The following CCDC60 variants were observed in gnomAD, a reference collection of about 807,000 sequenced individuals.
The protein encoded by CCDC60 is coiled-coil domain-containing protein 60.
A neutral mutation model predicts 63.5 loss-of-function variants in CCDC60; 54 were observed. The ratio of observed to expected loss-of-function variants is 0.85; its 90% confidence interval spans 0.68 to 1.07. The LOEUF is 1.07. CCDC60 is among the 50% of genes least tolerant of loss of function. The pLI is 0.00. For missense variants in CCDC60, 651 were observed against 684.3 expected, an observed-to-expected ratio of 0.95 and a Z score of 0.54; for synonymous variants, 206 against 238.8, an observed-to-expected ratio of 0.86 and a Z score of 1.27.
intron 1 of CCDC60, among the ~76,000 whole-genome samples, chr12:119,339,241 A>C (rs754986401): frequency 2.2e-4 from 33 of 152,134 alleles, no homozygotes; most frequent in Non-Finnish European, 3.5e-4. Context: ...GCCTTGGAAA[A>C]GGCTGAAAAA....
At chr12:119,464,630 C>T (rs138968880) in intron 2 of CCDC60, among the ~76,000 whole-genome samples, 7 of 152,192 alleles carry the variant, frequency 4.6e-5, no homozygotes, top group Non-Finnish European at 7.4e-5. Flanking sequence ...CATTGTACTC[C>T]GTCCCTTTTG....
chr12:119,519,449 G>GTA (rs1224064576), intron 8 of CCDC60, among the ~76,000 whole-genome samples: 1 of 132,644 alleles, frequency 7.5e-6, no homozygotes, highest in Non-Finnish European at 1.6e-5. Context: ...GTGTGTGTGT[G>GTA]TGTATATATA....
intron 13 of CCDC60, among the ~76,000 whole-genome samples, chr12:119,539,841 C>G (rs1056191888): frequency 6.6e-6 from 1 of 152,202 alleles, no homozygotes. Flanking sequence ...TCCTGGTCTG[C>G]GGGTTGTGGA....
chr12:119,522,853 G>T, intron 9 of CCDC60, 86 bp from the exon 10 acceptor site: 3 of 1,142,412 alleles, frequency 2.6e-6, no homozygotes, highest in Non-Finnish European at 2.7e-6. Flanking sequence ...AATCCTGGAA[G>T]CTAGCAGGTG....
rs1326389654 is a variant in CCDC60 at position 119,456,029 on chromosome 12, A to AAGAG, written c.171-15962_171-15961insGAGA. Among the ~76,000 whole-genome samples, 3 of 138,626 alleles carry AAGAG rather than the reference A, an allele frequency of 2.2e-5. No homozygotes were observed. In the East Asian group the frequency reaches 6.8e-4, roughly 31 times the overall value. 90.9% of individuals were successfully genotyped at this position (138,626 alleles called of 152,430 possible). On this transcript the variant is annotated intron_variant, in intron 2 of 13. Transcript: ENST00000327554. This position sits in a 1 kb window ranked among gnomAD's most constrained non-coding sequence, Gnocchi z 4.6. ...AAAGAAAGAAAGAAAGAAAGAAAGA[A>AAGAG]AGAAAGAAAGAAAGAAAGAAAGAAA...
intron 2 of CCDC60, among the ~76,000 whole-genome samples, chr12:119,449,409 A>G (rs1950592766): frequency 6.6e-6 from 1 of 152,140 alleles, no homozygotes; most frequent in Admixed American, 6.5e-5. Flanking sequence ...AAAAATATAT[A>G]TATTTCAAAG....
chr12:119,443,256 C>T (rs1462360936), intron 2 of CCDC60, among the ~76,000 whole-genome samples: 4 of 152,136 alleles, frequency 2.6e-5, no homozygotes, highest in African/African-American at 9.7e-5. Context: ...ATCTATTTGC[C>T]TTTTTCAATA....
chr12:119,468,374 C>T (rs1157227100), intron 2 of CCDC60, among the ~76,000 whole-genome samples: 1 of 152,140 alleles, frequency 6.6e-6, no homozygotes, highest in Admixed American at 6.5e-5. Context: ...TAACAGGTTA[C>T]CCACTCATTT....
rs200737039 is a variant in CCDC60 at position 119,523,773 on chromosome 12, A to G, written c.1184A>G (p.Gln395Arg). ...AGGGCCAAGTTTTACAGCGTAGCCC[A>G]GGAGGCTGGCTTCTGCCTGCAGGAC... The part of the protein sequence containing the change: ...TMRAKFYSVA[Q>R]EAGFCLQDKM... Residue 395 changes from glutamine to arginine, a missense_variant, in exon 11 of 14, where the codon CAG (glutamine) becomes CGG (arginine). Physicochemically the swap from Gln to Arg is conservative, Grantham distance 43. Coordinates refer to ENST00000327554, the MANE Select transcript of CCDC60 (RefSeq NM_178499.5). 1.2e-6 allele frequency: 2 copies of G among 1,614,228 alleles called. No homozygotes were observed. Among genetic ancestry groups the G allele is most frequent in the Non-Finnish European group, 1.7e-6 (2 of 1,180,016 alleles).
chr12:119,477,174 T>C (rs990568349), intron 3 of CCDC60, among the ~76,000 whole-genome samples: 2 of 152,198 alleles, frequency 1.3e-5, no homozygotes, highest in African/African-American at 4.8e-5. Flanking sequence ...GCATGGCAGC[T>C]GAATGCTGAG....
intron 1 of CCDC60, among the ~76,000 whole-genome samples, chr12:119,426,846 C>T (rs1241806171): frequency 1.3e-5 from 2 of 152,202 alleles, no homozygotes; most frequent in African/African-American, 4.8e-5. Flanking sequence ...GCCTCCCACC[C>T]AACTCTTCCA....
At chr12:119,519,734 A>G (rs1384805984) in intron 8 of CCDC60, among the ~76,000 whole-genome samples, 1 of 152,044 alleles carries the variant, frequency 6.6e-6, no homozygotes, top group Non-Finnish European at 1.5e-5. Flanking sequence ...AAGTGCTGGG[A>G]TCACAGGTGT....
chr12:119,504,394 G>A (rs781372744), intron 6 of CCDC60, among the ~76,000 whole-genome samples: 3 of 151,756 alleles, frequency 2.0e-5, no homozygotes, highest in Non-Finnish European at 4.4e-5. Context: ...AAATCCACAG[G>A]ACTTTCCCTA....
intron 5 of CCDC60, among the ~76,000 whole-genome samples, chr12:119,489,490 G>A (rs1340490538): frequency 3.3e-5 from 5 of 152,170 alleles, no homozygotes; most frequent in African/African-American, 9.7e-5. Context: ...CAAGAGAAGC[G>A]TTAGGTGTCC....
In CCDC60 at chr12:119,519,855, A is replaced by AGT. The variant is rs903078634; in HGVS notation, c.969-245_969-244dup. On this transcript the variant is annotated intron_variant, in intron 8 of 13. Transcript: ENST00000327554. ...GGAATTTTAGGAGAGAGAGAGAGAGAGTGTGTGTGTGTGTGTGTGTGTATA... is the reference window on the plus strand; with the variant it reads ...GGAATTTTAGGAGAGAGAGAGAGAGAGTGTGTGTGTGTGTGTGTGTGTGTATA... Among the ~76,000 whole-genome samples the AGT allele has an allele frequency of 4.7e-3, 600 of 127,112 alleles. 2 individuals carry two copies. Among genetic ancestry groups the AGT allele is most frequent in the Middle Eastern group, 8.7e-3 (2 of 230 alleles). The allele number at this position is 127,112 out of a possible 152,430, so 83.4% of individuals were successfully genotyped here. A position where few individuals can be genotyped will look rare whatever the true frequency, so the allele number is the denominator to read the frequency against.
At chr12:119,403,580 A>G (rs1194662433) in intron 1 of CCDC60, among the ~76,000 whole-genome samples, 1 of 152,088 alleles carries the variant, frequency 6.6e-6, no homozygotes, top group Non-Finnish European at 1.5e-5. Flanking sequence ...CCCAGCAGCC[A>G]CACTCAAACC....
chr12:119,523,068 C>T, intron 10 of CCDC60, 67 bp downstream of exon 10: 1 of 1,401,812 alleles, frequency 7.1e-7, no homozygotes, highest in Non-Finnish European at 1.0e-6. Flanking sequence ...CTCTATCTTC[C>T]CAGGGGTGTA....
intron 13 of CCDC60, among the ~76,000 whole-genome samples, chr12:119,540,116 G>C (rs1953115779): frequency 6.6e-6 from 1 of 150,794 alleles, no homozygotes. Context: ...GACTGGAGCT[G>C]TTCCTATTCA....
chr12:119,433,318 T>A (rs756815149), intron 2 of CCDC60: 31 of 678,060 alleles, frequency 4.6e-5, no homozygotes, highest in Non-Finnish European at 7.5e-5. Context: ...GTCAGCTGAG[T>A]CTGTCACTCC....
Sources: gnomAD v4.1 joint callset for allele counts (sites outside exome capture counted in the v4.1 genomes callset) on GRCh38, gnomAD v4.1.1 for gene constraint, Gnocchi (gnomAD v3.1) non-coding constraint, MANE v1.5 for transcripts, NCBI Gene and HGNC (gene_info 2026-07-23, HGNC 2026-07-21) for gene names.